TBCEL: variants seen among roughly 807,000 people sequenced by gnomAD.
TBCEL encodes the protein tubulin-specific chaperone cofactor E-like protein.
A neutral mutation model predicts 44.2 loss-of-function variants in TBCEL; 15 were observed. The ratio of observed to expected loss-of-function variants is 0.34; its 90% CI spans 0.23 to 0.52. TBCEL has a LOEUF of 0.52. TBCEL is among the 20% of genes least tolerant of loss of function. TBCEL has a pLI of 0.95. For missense variants in TBCEL, 319 were observed against 506.3 expected (o/e 0.63, Z 3.55); for synonymous variants, 171 against 185.4 (o/e 0.92, Z 0.63).
chr11:121,028,022 G>T (rs565405796), intron 1 of TBCEL, among the ~76,000 whole-genome samples: 1 of 151,930 alleles, frequency 6.6e-6, no homozygotes, highest in East Asian at 1.9e-4. Context: ...CCTGGGCAAC[G>T]TAGGGAGACC....
At chr11:121,033,496 T>C (rs1284268833) in intron 1 of TBCEL, among the ~76,000 whole-genome samples, 1 of 152,216 alleles carries the variant, frequency 6.6e-6, no homozygotes, top group Non-Finnish European at 1.5e-5. Flanking sequence ...CTTGCCTGTT[T>C]TATCCCTCCT....
intron 2 of TBCEL, among the ~76,000 whole-genome samples, chr11:121,039,185 G>T (rs937471035): frequency 1.1e-4 from 17 of 152,164 alleles, no homozygotes; most frequent in Admixed American, 9.2e-4. Flanking sequence ...TTATGTTTTA[G>T]CAGTACAGCT....
chr11:121,044,491 A>G (rs1945393708), intron 2 of TBCEL, among the ~76,000 whole-genome samples: 1 of 152,116 alleles, frequency 6.6e-6, no homozygotes, highest in African/African-American at 2.4e-5. Context: ...CATTTTGACT[A>G]CAGTTCCTTT....
intron 8 of TBCEL, among the ~76,000 whole-genome samples, chr11:121,071,529 C>A (rs12789791): frequency 6.6e-6 from 1 of 152,142 alleles, no homozygotes; most frequent in African/African-American, 2.4e-5. Flanking sequence ...AACAGGTTTT[C>A]TTAGAGGCTT....
At chr11:121,034,399 C>T (rs951857843) in intron 1 of TBCEL, among the ~76,000 whole-genome samples, 2 of 152,108 alleles carry the variant, frequency 1.3e-5, no homozygotes, top group African/African-American at 4.8e-5. Context: ...ATATTTCTGA[C>T]TGTGACATGA....
chr11:121,046,298 C>T (rs965024455), intron 3 of TBCEL, among the ~76,000 whole-genome samples: 7 of 152,144 alleles, frequency 4.6e-5, no homozygotes, highest in Non-Finnish European at 1.0e-4. Context: ...ACTAGTTCTT[C>T]AAGAATGTAG....
chr11:121,069,890 G>A (rs1317424950), intron 8 of TBCEL, among the ~76,000 whole-genome samples: 2 of 152,162 alleles, frequency 1.3e-5, no homozygotes, highest in African/African-American at 4.8e-5. Context: ...GGTATGCTGT[G>A]CTCGGACAGT....
chr11:121,072,586 A>G (rs920438608), intron 8 of TBCEL, among the ~76,000 whole-genome samples: 6 of 152,128 alleles, frequency 3.9e-5, no homozygotes, highest in African/African-American at 1.2e-4. Context: ...TTCATATTTT[A>G]TATCTCCATT....
intron 8 of TBCEL, among the ~76,000 whole-genome samples, chr11:121,061,312 T>C (rs145583352): frequency 1.3e-3 from 202 of 152,120 alleles, no homozygotes; most frequent in Non-Finnish European, 1.1e-3. Flanking sequence ...GCTTTGAGCA[T>C]AAGTCTGCCA....
At chr11:121,069,253 G>A (rs1945880099) in intron 8 of TBCEL, among the ~76,000 whole-genome samples, 2 of 152,098 alleles carry the variant, frequency 1.3e-5, no homozygotes, top group African/African-American at 4.8e-5. Context: ...TGCCTAGAGC[G>A]GTGCCTGGCA....
rs1167611187 is a variant in TBCEL at position 121,090,534 on chromosome 11, A to T, written c.*3438A>T. 1 of 152,058 alleles carries T rather than the reference A, an allele frequency of 6.6e-6. No individual in the cohort carries two copies. The highest frequency in any genetic ancestry group is 1.5e-5 in the Non-Finnish European group (1 of 67,994). 9.4% of individuals were successfully genotyped at this position (152,058 alleles called of 1,614,324 possible). ...TATCTGTGTTACCAGATGTGTTGTGAACACTCTACTATTTTTCATAGGTGC... is the reference window on the plus strand; with the variant it reads ...TATCTGTGTTACCAGATGTGTTGTGTACACTCTACTATTTTTCATAGGTGC... On this transcript the variant is annotated 3_prime_UTR_variant, in exon 9 of 9. Coordinates refer to ENST00000683345, the MANE Select transcript of TBCEL (RefSeq NM_001363644.2).
intron 8 of TBCEL, among the ~76,000 whole-genome samples, chr11:121,079,008 C>T (rs1050666293): frequency 6.6e-6 from 1 of 152,096 alleles, no homozygotes; most frequent in South Asian, 2.1e-4. Flanking sequence ...TTCTGTTTAT[C>T]CATTACTAGA....
chr11:121,039,948 C>T (rs183392301), intron 2 of TBCEL, among the ~76,000 whole-genome samples: 1 of 152,282 alleles, frequency 6.6e-6, no homozygotes, highest in Non-Finnish European at 1.5e-5. Context: ...TGTCAAATAA[C>T]TGAAGGTAAT....
At chr11:121,081,290 G>A (rs760762828) in intron 8 of TBCEL, among the ~76,000 whole-genome samples, 1 of 152,080 alleles carries the variant, frequency 6.6e-6, no homozygotes, top group Non-Finnish European at 1.5e-5. Context: ...CTGTTAGAAG[G>A]TCATGGTGGA....
chr11:121,053,435 C>A, intron 4 of TBCEL, 116 bp from the exon 5 acceptor site: 1 of 856,024 alleles, frequency 1.2e-6, no homozygotes, highest in East Asian at 2.5e-5. Flanking sequence ...TAATAGGACT[C>A]CTTGATGTAA....
At chr11:121,040,325 T>A (rs1484664417) in intron 2 of TBCEL, among the ~76,000 whole-genome samples, 5 of 152,182 alleles carry the variant, frequency 3.3e-5, no homozygotes, top group South Asian at 2.1e-4. Flanking sequence ...ATTAACACAT[T>A]TAACTTGGCT....
intron 8 of TBCEL, among the ~76,000 whole-genome samples, chr11:121,074,400 A>G (rs994246084): frequency 2.6e-5 from 4 of 151,950 alleles, no homozygotes; most frequent in Middle Eastern, 3.2e-3. Context: ...TCTGTACTCT[A>G]TGTTTTCTTT....
At position 121,026,981 on chromosome 11, in the gene TBCEL, CCTT is replaced by C. The variant is rs371380739; in HGVS notation, c.-126+2693_-126+2695del. On this transcript the variant is annotated intron_variant, in intron 1 of 8. Coordinates refer to ENST00000683345, the MANE Select transcript of TBCEL (RefSeq NM_001363644.2). ...GTCCACCTGTAGCAGGCTCTTTTCT[CCTT>C]CTAATTTTTGCCTCCAAACTACTAT... is the stretch of plus-strand genomic sequence containing the variant. Among the ~76,000 whole-genome samples the C allele has an allele frequency of 2.5e-3, 387 of 152,256 alleles. 4 individuals are homozygous for C. Among genetic ancestry groups the C allele is most frequent in the African/African-American group, 9.0e-3 (374 of 41,558 alleles).
intron 8 of TBCEL, among the ~76,000 whole-genome samples, chr11:121,065,344 G>A (rs1945801202): frequency 6.6e-6 from 1 of 152,120 alleles, no homozygotes; most frequent in Non-Finnish European, 1.5e-5. Flanking sequence ...GGGAAGAGGG[G>A]CTACCCAGTT....
Sources: gnomAD v4.1 joint callset for allele counts (sites outside exome capture counted in the v4.1 genomes callset) on GRCh38, gnomAD v4.1.1 for gene constraint, MANE v1.5 for transcripts, NCBI Gene and HGNC (gene_info 2026-07-23, HGNC 2026-07-21) for gene names.